Variants in MAGI2 observed in about 807,000 individuals in gnomAD.
MAGI2 encodes the protein membrane associated guanylate kinase, WW and PDZ domain containing 2, also known as membrane-associated guanylate kinase, WW and PDZ domain-containing protein 2.
A neutral mutation model predicts 133.3 loss-of-function variants in MAGI2; 35 were observed. That is an observed-to-expected ratio of 0.26 (90% CI 0.20 to 0.35). MAGI2 has a LOEUF of 0.35. MAGI2 is among the 10% of genes least tolerant of loss of function. MAGI2 has a pLI of 1.00. For missense variants in MAGI2, 1,636 were observed against 1,863.4 expected (o/e 0.88, Z 2.25); for synonymous variants, 729 against 710.6 (o/e 1.03, Z -0.41).
At chr7:79,368,451 T>G (rs1446561221) in intron 1 of MAGI2, among the ~76,000 whole-genome samples, 1 of 152,168 alleles carries the variant, frequency 6.6e-6, no homozygotes, top group Admixed American at 6.5e-5. Flanking sequence ...TTAGTGTTAT[T>G]TTTTAGAGCC....
At chr7:78,253,877 A>G (rs1168811443) in intron 10 of MAGI2, 1 of 152,180 alleles carries the variant, frequency 6.6e-6, no homozygotes, top group Non-Finnish European at 1.5e-5. Flanking sequence ...CAAAGAGGTC[A>G]TAGGCACTTC....
Position 78,019,441 on chromosome 7 carries a change from C to T in MAGI2, c.4242G>A (p.Pro1414=), listed in dbSNP as rs1584846157. The T allele has an allele frequency of 1.5e-5, 15 of 993,226 alleles. No homozygotes were observed. In the East Asian group the frequency reaches 1.6e-3, roughly 106 times the overall value. 61.5% of individuals were successfully genotyped at this position (993,226 alleles called of 1,614,324 possible). ...GRAGARAGPR[P]GPRPPGGAPA... ...GGGCGCCCCCCGGGGGTCGCGGGCC[C>T]GGCCGGGGACCCGCGCGCGCACCCG... Residue 1414 remains proline, a synonymous_variant, in exon 22 of 22, where the codon CCG becomes CCA. Coordinates refer to ENST00000354212, the MANE Select transcript of MAGI2 (RefSeq NM_012301.4).
At chr7:78,515,073 A>C (rs1795926692) in intron 4 of MAGI2, among the ~76,000 whole-genome samples, 2 of 152,200 alleles carry the variant, frequency 1.3e-5, no homozygotes. Flanking sequence ...AATTCTTTGC[A>C]CTAGGCTTAC....
chr7:79,168,895 T>TATAGATAG (rs1825225923), intron 1 of MAGI2, among the ~76,000 whole-genome samples: 1 of 8,008 alleles, frequency 1.2e-4, no homozygotes, highest in Admixed American at 1.2e-3. Context: ...GATAGATATA[T>TATAGATAG]ATATATATAT....
chr7:79,323,624 G>T (rs773794713), intron 1 of MAGI2, among the ~76,000 whole-genome samples: 2 of 152,128 alleles, frequency 1.3e-5, no homozygotes, highest in African/African-American at 2.4e-5. Flanking sequence ...AGAAAGAAAT[G>T]GAGAGCCCCT....
intron 1 of MAGI2, among the ~76,000 whole-genome samples, chr7:79,136,003 G>GAAAGAAAGAGAAAGAAAGAAAGAAAGAA (rs749343638): frequency 1.2e-4 from 5 of 40,924 alleles, no homozygotes; most frequent in Non-Finnish European, 2.5e-4. Flanking sequence ...AAGAAAGAAA[G>GAAAGAAAGAGAAAGAAAGAAAGAAAGAA]AGAAAGAAAG....
intron 2 of MAGI2, among the ~76,000 whole-genome samples, chr7:78,786,042 G>A (rs1826788247): frequency 1.3e-5 from 2 of 151,966 alleles, no homozygotes; most frequent in South Asian, 4.2e-4. Flanking sequence ...GATTGCATGT[G>A]TATTAGAGGT....
At chr7:79,378,250 A>G (rs1400951988) in intron 1 of MAGI2, among the ~76,000 whole-genome samples, 1 of 112,768 alleles carries the variant, frequency 8.9e-6, no homozygotes, top group Non-Finnish European at 1.9e-5. Context: ...TTTGAAATTA[A>G]CACAAGTTTC....
At chr7:78,891,036 T>C (rs1014504807) in intron 2 of MAGI2, among the ~76,000 whole-genome samples, 50 of 152,052 alleles carry the variant, frequency 3.3e-4, no homozygotes, top group Non-Finnish European at 6.3e-4. Context: ...TAAAAAATGA[T>C]AAAGGGGATA....
intron 3 of MAGI2, among the ~76,000 whole-genome samples, chr7:78,548,106 C>G (rs59042264): frequency 6.6e-6 from 1 of 152,232 alleles, no homozygotes; most frequent in Non-Finnish European, 1.5e-5. Flanking sequence ...TTAGAAAGAG[C>G]CTTGACCAAC....
At chr7:79,094,540 G>T (rs189247509) in intron 1 of MAGI2, among the ~76,000 whole-genome samples, 74 of 152,260 alleles carry the variant, frequency 4.9e-4, no homozygotes, top group African/African-American at 1.8e-3. Flanking sequence ...TCTCCAGAAG[G>T]TTTTCAATTT....
chr7:78,209,209 A>G (rs62463871), intron 10 of MAGI2, among the ~76,000 whole-genome samples: 7,869 of 15,796 alleles, frequency 0.5, 2,794 homozygotes, highest in South Asian at 0.77. Flanking sequence ...GCGACAGAGC[A>G]AGACTCTGTC....
intron 1 of MAGI2, among the ~76,000 whole-genome samples, chr7:79,341,020 T>C (rs994671843): frequency 6.6e-6 from 1 of 152,112 alleles, no homozygotes; most frequent in African/African-American, 2.4e-5. Flanking sequence ...TTATCAACTA[T>C]AGCCAGTGAA....
intron 1 of MAGI2, among the ~76,000 whole-genome samples, chr7:79,130,044 T>A (rs1391477437): frequency 6.6e-6 from 1 of 151,824 alleles, no homozygotes; most frequent in African/African-American, 2.4e-5. Context: ...CTCACACTTG[T>A]AATCTCAGCA....
intron 9 of MAGI2, among the ~76,000 whole-genome samples, chr7:78,294,542 T>C (rs1026416177): frequency 3.9e-5 from 6 of 152,154 alleles, no homozygotes; most frequent in Admixed American, 1.3e-4. Flanking sequence ...ATAAATAAAC[T>C]TACCATTTGG....
At chr7:79,411,724 A>G (rs1846156308) in intron 1 of MAGI2, 1 of 152,142 alleles carries the variant, frequency 6.6e-6, no homozygotes, top group Admixed American at 6.6e-5. Flanking sequence ...CATGAATAGT[A>G]GGTAGGAAAA....
At chr7:78,460,986 T>C (rs1163089024) in intron 6 of MAGI2, among the ~76,000 whole-genome samples, 2 of 151,800 alleles carry the variant, frequency 1.3e-5, no homozygotes, top group Non-Finnish European at 2.9e-5. Flanking sequence ...ACCCTTCTTT[T>C]TAAAAAATCT....
chr7:78,832,089 T>A (rs1791217734), intron 2 of MAGI2, among the ~76,000 whole-genome samples: 1 of 152,124 alleles, frequency 6.6e-6, no homozygotes, highest in African/African-American at 2.4e-5. Context: ...CTTGCTATTT[T>A]TTTTAAATAA....
intron 1 of MAGI2, among the ~76,000 whole-genome samples, chr7:79,009,869 C>T (rs1183349433): frequency 6.6e-6 from 1 of 152,062 alleles, no homozygotes; most frequent in Middle Eastern, 3.2e-3. Context: ...AAACAGCCTG[C>T]ATTCCTAATG....
Sources: allele counts gnomAD v4.1 joint callset (sites outside exome capture counted in the v4.1 genomes callset), GRCh38; gene constraint gnomAD v4.1.1; transcripts MANE v1.5; gene names NCBI Gene and HGNC (gene_info 2026-07-23, HGNC 2026-07-21).